PLEKHG4B: variants seen among roughly 807,000 people sequenced by gnomAD.
PLEKHG4B encodes pleckstrin homology domain-containing family G member 4B.
In PLEKHG4B, 111 loss-of-function variants were observed where a neutral mutation model predicts 121.3. That is an observed-to-expected ratio of 0.92 (90% CI 0.78 to 1.07). The LOEUF (loss-of-function observed/expected upper bound fraction) is 1.07, where lower values mean the gene tolerates loss of function less well. Among genes scored for constraint, PLEKHG4B ranks in the 50% least tolerant of loss-of-function variants. PLEKHG4B has a pLI of 0.00. For missense variants in PLEKHG4B, 1,831 were observed against 1,757.8 expected (o/e 1.04, Z -0.74); for synonymous variants, 738 against 725.0 (o/e 1.02, Z -0.29).
chr5:105,899 G>A (rs1437480667), intron 1 of PLEKHG4B, among the ~76,000 whole-genome samples: 1 of 152,224 alleles, frequency 6.6e-6, no homozygotes, highest in East Asian at 1.9e-4. Context: ...AGCCGAGCAC[G>A]CACCCGCCGC....
At chr5:134,076 AAT>A (rs67940117) in intron 2 of PLEKHG4B, among the ~76,000 whole-genome samples, 4,889 of 39,472 alleles carry the variant, frequency 0.12, 200 homozygotes, top group East Asian at 0.17. Context: ...TATATGATAG[AAT>A]ATATATATAT....
intron 1 of PLEKHG4B, among the ~76,000 whole-genome samples, chr5:97,651 C>CTGTTGTGAGGTAAA (rs1357685457): frequency 2.0e-5 from 3 of 150,436 alleles, no homozygotes; most frequent in Admixed American, 6.6e-5. Flanking sequence ...GGCTGTATAA[C>CTGTTGTGAGGTAAA]TCTCCGCTGT....
At chr5:119,569 C>G (rs1734408188) in intron 2 of PLEKHG4B, among the ~76,000 whole-genome samples, 2 of 152,166 alleles carry the variant, frequency 1.3e-5, no homozygotes, top group African/African-American at 4.8e-5. Flanking sequence ...TAAGAAACCC[C>G]TAGAGGAGCC....
intron 2 of PLEKHG4B, among the ~76,000 whole-genome samples, chr5:119,767 T>G (rs182309531): frequency 6.6e-6 from 1 of 152,326 alleles, no homozygotes; most frequent in South Asian, 2.1e-4. Flanking sequence ...GAGAAGGACC[T>G]TCTTTGCTGA....
At chr5:151,328 G>T (rs1285206651) in intron 6 of PLEKHG4B, among the ~76,000 whole-genome samples, 185 bp from the exon 7 acceptor site, 1 of 152,116 alleles carries the variant, frequency 6.6e-6, no homozygotes, top group African/African-American at 2.4e-5. Flanking sequence ...CGATAAACCT[G>T]ATTACATTAA....
intron 2 of PLEKHG4B, among the ~76,000 whole-genome samples, chr5:136,166 T>G (rs1477287057): frequency 2.0e-5 from 3 of 152,090 alleles, no homozygotes; most frequent in African/African-American, 7.2e-5. Flanking sequence ...TTACAAAAAC[T>G]CACTCAAAAT....
intron 16 of PLEKHG4B, 42 bp from the exon 17 acceptor site, chr5:172,855 C>T (rs200616654): frequency 2.0e-5 from 33 of 1,610,162 alleles, no homozygotes; most frequent in Non-Finnish European, 2.4e-5. Flanking sequence ...CCACAGACGC[C>T]GGATTTTCTT....
At chr5:98,880 G>A (rs1277846272) in intron 1 of PLEKHG4B, among the ~76,000 whole-genome samples, 1 of 126,694 alleles carries the variant, frequency 7.9e-6, no homozygotes, top group African/African-American at 3.3e-5. Flanking sequence ...TTGGGGACCG[G>A]GTGTGGTGTC....
chr5:172,905 G>C lies in PLEKHG4B; in HGVS notation c.4059G>C (p.Leu1353Phe). ...TGTGTGTTCCTCTGCAGGTGAATTT[G>C]AAGGAACAGGGGCAGCTGAGATGCC... ...MDAIRGCDVNLKEQGQLRCRD... is the reference protein window; with the variant it reads ...MDAIRGCDVNFKEQGQLRCRD... Residue 1353 changes from leucine (L) to phenylalanine (F), a missense_variant, in exon 17 of 20, where the codon TTG becomes TTC. Leu to Phe is a conservative substitution (Grantham distance 22). Transcript: ENST00000637938. The C allele has an allele frequency of 6.2e-7, 1 of 1,614,182 alleles. No homozygotes were observed. Among genetic ancestry groups the C allele is most frequent in the Non-Finnish European group, 8.5e-7 (1 of 1,180,024 alleles).
intron 18 of PLEKHG4B, among the ~76,000 whole-genome samples, chr5:174,349 G>A (rs1323523679): frequency 1.6e-4 from 22 of 140,288 alleles, no homozygotes; most frequent in Non-Finnish European, 3.1e-5. Flanking sequence ...GGTGGGGGCT[G>A]GAGACTGAGT....
At chr5:116,630 G>GGGTGTGTT in intron 2 of PLEKHG4B, among the ~76,000 whole-genome samples, 1 of 152,238 alleles carries the variant, frequency 6.6e-6, no homozygotes, top group Non-Finnish European at 1.5e-5. Context: ...GCCGGGTTGT[G>GGGTGTGTT]GGTGTGTTGC....
At chr5:173,777 G>A (rs1420637467) in intron 17 of PLEKHG4B, 141 bp from the exon 18 acceptor site, 2 of 941,194 alleles carry the variant, frequency 2.1e-6, no homozygotes, top group African/African-American at 3.3e-5. Flanking sequence ...GAGCAGTGTG[G>A]TCTCGCTCAC....
At chr5:147,637 G>C (rs1005977721) in intron 6 of PLEKHG4B, among the ~76,000 whole-genome samples, 78 of 152,338 alleles carry the variant, frequency 5.1e-4, no homozygotes, top group African/African-American at 1.8e-3. Context: ...ACAGTGTGAA[G>C]TGCCAAAACT....
At chr5:124,194 G>A (rs565194401) in intron 2 of PLEKHG4B, among the ~76,000 whole-genome samples, 2 of 151,728 alleles carry the variant, frequency 1.3e-5, no homozygotes, top group Non-Finnish European at 2.9e-5. Flanking sequence ...CTTTGTGATC[G>A]GCGAAGATAA....
intron 2 of PLEKHG4B, among the ~76,000 whole-genome samples, chr5:122,345 C>G (rs1263175233): frequency 6.6e-6 from 1 of 152,072 alleles, no homozygotes; most frequent in Non-Finnish European, 1.5e-5. Flanking sequence ...CAGAAATGGA[C>G]AGACTCAAAA....
intron 2 of PLEKHG4B, among the ~76,000 whole-genome samples, chr5:136,693 A>G (rs577887495): frequency 6.6e-6 from 1 of 152,342 alleles, no homozygotes; most frequent in South Asian, 2.1e-4. Context: ...AAACACTATT[A>G]AAGGAAAAAC....
rs1733532046 is a variant in PLEKHG4B, at chr5:184,008, G to GATAGATAGATAGATAC, written c.*1700_*1701insCATAGATAGATAGATA. The GATAGATAGATAGATAC allele has an allele frequency of 6.6e-6, 1 of 151,584 alleles. No homozygotes were observed. Among genetic ancestry groups the GATAGATAGATAGATAC allele is most frequent in the Non-Finnish European group, 1.5e-5 (1 of 68,006 alleles). The allele number at this position is 151,584 out of a possible 1,614,324, so 9.4% of individuals were successfully genotyped here. On this transcript the variant is annotated 3_prime_UTR_variant, in exon 20 of 20. Coordinates refer to ENST00000637938, the MANE Select transcript of PLEKHG4B (RefSeq NM_052909.5). ...AGATAGATCGATAGATAGATAGATA[G>GATAGATAGATAGATAC]ATAGATAGATAGATAGATAGACTGA...
chr5:156,953 C>T lies in PLEKHG4B; in HGVS notation c.2487+42C>T, dbSNP rs774937438. ...GAAGGCGGCCCGGTCAGCATCCCCT[C>T]CAGGCCAGGCTGGCCAAGGCAACCC... On this transcript the variant is annotated intron_variant, in intron 11 of 19. Transcript: ENST00000637938. This position sits in a 1 kb window ranked among gnomAD's most constrained non-coding sequence, Gnocchi z 4.4. 8 of 1,603,548 alleles carry T rather than the reference C, an allele frequency of 5.0e-6. No homozygotes were observed. Among genetic ancestry groups the T allele is most frequent in the Non-Finnish European group, 6.8e-6 (8 of 1,175,716 alleles).
In PLEKHG4B at chr5:104,416, C is replaced by G. The variant is rs146292806; in HGVS notation, c.46-8835C>G. ...CCAGCTCTTAACATGCAGTATCCAC[C>G]GTATCCAGCATATAATAAACATTTT... On this transcript the variant is annotated intron_variant, in intron 1 of 19. Transcript: ENST00000637938. Among the ~76,000 whole-genome samples, 18 of 152,290 alleles carry G rather than the reference C, an allele frequency of 1.2e-4. No individual in the cohort carries two copies. The East Asian group carries it at 3.3e-3, about 28-fold the overall frequency.
Sources: gnomAD v4.1 joint callset for allele counts (sites outside exome capture counted in the v4.1 genomes callset) on GRCh38, gnomAD v4.1.1 for gene constraint, Gnocchi (gnomAD v3.1) non-coding constraint, MANE v1.5 for transcripts, NCBI Gene and HGNC (gene_info 2026-07-23, HGNC 2026-07-21) for gene names.